The following MIB1 variants were observed in gnomAD, a reference collection of about 807,000 sequenced individuals.
MIB1 encodes the protein MIB E3 ubiquitin protein ligase 1, also known as E3 ubiquitin-protein ligase MIB1.
Under a neutral mutation model 124.5 loss-of-function variants are expected in MIB1, and 278 were observed. That is an observed-to-expected ratio of 2.23 (90% CI 2.02 to 2.47). MIB1 has a LOEUF of 2.47. MIB1 is among the 30% of genes most tolerant of loss of function. The pLI is 0.00. For synonymous variants in MIB1, 446 were observed against 429.4 expected, an observed-to-expected ratio of 1.04 and a Z score of -0.48; for missense variants, 957 against 1,254.4, an observed-to-expected ratio of 0.76 and a Z score of 3.58.
intron 1 of MIB1, among the ~76,000 whole-genome samples, chr18:21,714,283 C>G (rs1285905600): frequency 6.6e-6 from 1 of 152,074 alleles, no homozygotes; most frequent in African/African-American, 2.4e-5. Flanking sequence ...CTGGGAGTTT[C>G]ATTGCAAATG....
chr18:21,739,595 A>G (rs1385625658), upstream of MIB1, among the ~76,000 whole-genome samples: 4 of 152,076 alleles, frequency 2.6e-5, no homozygotes, highest in Non-Finnish European at 5.9e-5. Flanking sequence ...AAGCTTATCC[A>G]CCACTATCAA....
chr18:21,784,902 A>C (rs1200053898), intron 6 of MIB1, among the ~76,000 whole-genome samples: 1 of 152,162 alleles, frequency 6.6e-6, no homozygotes, highest in East Asian at 1.9e-4. Context: ...GCCCGCAGCC[A>C]TCCGGAGGCC....
At chr18:21,706,647 G>A (rs2040637533) in intron 1 of MIB1, among the ~76,000 whole-genome samples, 1 of 152,192 alleles carries the variant, frequency 6.6e-6, no homozygotes, top group African/African-American at 2.4e-5. Flanking sequence ...GCCAGTGAGG[G>A]GCTTAGCACC....
At chr18:21,805,900 C>CTTT (rs35904303) in intron 10 of MIB1, among the ~76,000 whole-genome samples, 3,594 of 105,026 alleles carry the variant, frequency 0.034, 126 homozygotes, top group Admixed American at 0.064. Flanking sequence ...TCTTTCTTTC[C>CTTT]TTTTTTTTTT....
intron 1 of MIB1, among the ~76,000 whole-genome samples, chr18:21,761,995 T>G (rs1277115470): frequency 6.6e-6 from 1 of 152,184 alleles, no homozygotes; most frequent in Admixed American, 6.5e-5. Context: ...GGGGGGACTT[T>G]CACATTTTGT....
intron 1 of MIB1, among the ~76,000 whole-genome samples, chr18:21,728,648 C>CT (rs2040753973): frequency 6.6e-6 from 1 of 152,100 alleles, no homozygotes; most frequent in African/African-American, 2.4e-5. Flanking sequence ...AGGGCCTCTT[C>CT]TTTTTTCATT....
In MIB1 at chr18:21,741,945, G is replaced by A; in HGVS notation, c.229+133G>A. ...AGCGCCCGGCTGGAGCGAGCGGAAA[G>A]GCAAAGCGCCAAAGGAATTCTAGGT... On this transcript the variant is annotated intron_variant, in intron 1 of 20. Coordinates refer to ENST00000261537, the MANE Select transcript of MIB1 (RefSeq NM_020774.4). The surrounding 1 kb of genome is among the most constrained non-coding windows in gnomAD (Gnocchi z 5.4). The A allele has an allele frequency of 1.3e-6, 1 of 771,790 alleles. No individual in the cohort carries two copies. The highest frequency in any genetic ancestry group is 2.0e-6 in the Non-Finnish European group (1 of 500,868). 47.8% of individuals were successfully genotyped at this position (771,790 alleles called of 1,614,324 possible).
Position 21,858,550 on chromosome 18 carries a change from TG to T in MIB1, c.2787del (p.Asn930IlefsTer38). The T allele has an allele frequency of 6.8e-7, 1 of 1,470,586 alleles. No homozygotes were observed. Among genetic ancestry groups the T allele is most frequent in the Non-Finnish European group, 9.5e-7 (1 of 1,054,554 alleles). 91.1% of individuals were successfully genotyped at this position (1,470,586 alleles called of 1,614,324 possible). On this transcript the variant is annotated frameshift_variant, in exon 20 of 21. Coordinates refer to ENST00000261537, the MANE Select transcript of MIB1 (RefSeq NM_020774.4). LOFTEE classifies it high-confidence loss of function. ...CTTTTTAAATCTATATTATAGCAAG[TG>T]GGAATATTCCAGTATTACAAAAGGA... ...SEDATDDISS[G>X]NIPVLQKDKD... is the part of the protein sequence containing the mutation.
At chr18:21,736,089 C>G (rs2040795785), upstream of MIB1, among the ~76,000 whole-genome samples, 1 of 152,206 alleles carries the variant, frequency 6.6e-6, no homozygotes, top group African/African-American at 2.4e-5. Flanking sequence ...AGGGAGACAC[C>G]TCCCAGTAGG....
rs1017307617 is a variant in MIB1 at position 21,867,403 on chromosome 18, A to G, written c.*2737A>G. On this transcript the variant is annotated 3_prime_UTR_variant, in exon 21 of 21. Coordinates refer to ENST00000261537, the MANE Select transcript of MIB1 (RefSeq NM_020774.4). ...GTTACTCAAAACATACACATACAAC[A>G]TACCAGATGGTGCTGTTCTAATGGT... is the stretch of plus-strand genomic sequence containing the variant. The G allele has an allele frequency of 2.0e-5, 3 of 152,630 alleles. No individual in the cohort carries two copies. The highest frequency in any genetic ancestry group is 7.2e-5 in the African/African-American group (3 of 41,464). 9.5% of individuals were successfully genotyped at this position (152,630 alleles called of 1,614,324 possible).
rs2042326769 is a variant in MIB1 at position 21,867,120 on chromosome 18, C to G, written c.*2454C>G. 1 of 152,486 alleles carries G rather than the reference C, an allele frequency of 6.6e-6. No individual in the cohort carries two copies. The highest frequency in any genetic ancestry group is 1.5e-5 in the Non-Finnish European group (1 of 68,008). The allele number at this position is 152,486 out of a possible 1,614,324, so 9.4% of individuals were successfully genotyped here. The stretch of plus-strand genomic sequence containing the variant: ...TATAAAAAAGAAAAAAACTGACACG[C>G]ATTCATTCAAAAAAGTATTTATTGG... On this transcript the variant is annotated 3_prime_UTR_variant, in exon 21 of 21. Coordinates refer to ENST00000261537, the MANE Select transcript of MIB1 (RefSeq NM_020774.4).
At chr18:21,719,330 T>C (rs762217465) in intron 1 of MIB1, among the ~76,000 whole-genome samples, 1 of 152,078 alleles carries the variant, frequency 6.6e-6, no homozygotes, top group Admixed American at 6.6e-5. Context: ...AGTGAGACCT[T>C]GTCTGTGAAG....
rs1244288377 is a variant in MIB1 at position 21,866,360 on chromosome 18, G to C, written c.*1694G>C. On this transcript the variant is annotated 3_prime_UTR_variant, in exon 21 of 21. Coordinates refer to ENST00000261537, the MANE Select transcript of MIB1 (RefSeq NM_020774.4). The stretch of plus-strand genomic sequence containing the variant: ...TAAAATTTTTATAGATTTCAAATTT[G>C]AAAATTCATGTACACTCAGTTATCT... 1 of 152,156 alleles carries C rather than the reference G, an allele frequency of 6.6e-6. No homozygotes were observed. Among genetic ancestry groups the C allele is most frequent in the East Asian group, 1.9e-4 (1 of 5,192 alleles). The allele number at this position is 152,156 out of a possible 1,614,324, so 9.4% of individuals were successfully genotyped here. A position where few individuals can be genotyped will look rare whatever the true frequency, so the allele number is the denominator to read the frequency against.
intron 6 of MIB1, among the ~76,000 whole-genome samples, chr18:21,786,744 A>G (rs1372942260): frequency 6.6e-6 from 1 of 151,942 alleles, no homozygotes; most frequent in Non-Finnish European, 1.5e-5. Context: ...TGCATTTTTC[A>G]TTTCAACAGA....
chr18:21,829,100 G>A (rs564711174), intron 12 of MIB1: 18 of 439,950 alleles, frequency 4.1e-5, no homozygotes, highest in South Asian at 2.6e-4. Context: ...TTACTAAGTT[G>A]TTAGCTGTAA....
At chr18:21,743,633 CT>C (rs993238536) in intron 1 of MIB1, among the ~76,000 whole-genome samples, 47 of 146,856 alleles carry the variant, frequency 3.2e-4, no homozygotes, top group African/African-American at 3.0e-4. Context: ...TCTGCCTACT[CT>C]TTTTTTTTTT....
rs373113913 is a variant in MIB1 at position 21,849,256 on chromosome 18, G to A, written c.2454G>A (p.Glu818=). The change falls in exon 17 of 21, where the codon GAG becomes GAA. Residue 818 remains glutamate, a synonymous_variant. Coordinates refer to ENST00000261537, the MANE Select transcript of MIB1 (RefSeq NM_020774.4). ...MISNDSETLE[E]CMVCSDMKRD... ...GTAATGATTCTGAAACCTTAGAAGA[G>A]TGTATGGTGTGCTCAGATATGAAGA... 1.2e-5 allele frequency: 20 copies of A among 1,612,594 alleles called. No individual in the cohort carries two copies. Among genetic ancestry groups the A allele is most frequent in the Non-Finnish European group, 1.7e-5 (20 of 1,179,172 alleles).
chr18:21,851,845 G>A (rs984201251), intron 17 of MIB1, among the ~76,000 whole-genome samples: 1 of 152,132 alleles, frequency 6.6e-6, no homozygotes, highest in African/African-American at 2.4e-5. Flanking sequence ...ATAATTGGAG[G>A]AAAAGGTATG....
intron 12 of MIB1, among the ~76,000 whole-genome samples, chr18:21,836,305 G>T (rs573729317): frequency 7.0e-6 from 1 of 142,542 alleles, no homozygotes; most frequent in South Asian, 2.2e-4. Context: ...ATGGAGTCTC[G>T]CTCAGTCGCC....
Sources: gnomAD v4.1 joint callset for allele counts (sites outside exome capture counted in the v4.1 genomes callset) on GRCh38, gnomAD v4.1.1 for gene constraint, Gnocchi (gnomAD v3.1) non-coding constraint, MANE v1.5 for transcripts, NCBI Gene and HGNC (gene_info 2026-07-23, HGNC 2026-07-21) for gene names.